The following SYT1 variants were observed in gnomAD, a reference collection of about 807,000 sequenced individuals.
SYT1 encodes the protein synaptotagmin-1.
Under a neutral mutation model 44.8 loss-of-function variants are expected in SYT1, and 8 were observed. The observed-to-expected ratio is 0.18, with a 90% CI of 0.10 to 0.32. The LOEUF is 0.32. Ranked by LOEUF, SYT1 falls within the 10% of genes least tolerant of loss-of-function variation. The probability of loss-of-function intolerance (pLI) is 1.00; values close to 1 mark genes in which losing one functional copy is unlikely to be tolerated. For missense variants in SYT1, 286 were observed against 509.3 expected, an observed-to-expected ratio of 0.56 and a Z score of 4.22; for synonymous variants, 154 against 188.8, an observed-to-expected ratio of 0.82 and a Z score of 1.51.
intron 2 of SYT1, among the ~76,000 whole-genome samples, chr12:78,992,371 C>T (rs1870077819): frequency 1.3e-5 from 2 of 152,086 alleles, no homozygotes; most frequent in African/African-American, 4.8e-5. Context: ...TAGCATGAGG[C>T]TATATTAAGA....
chr12:79,126,910 G>T (rs1416494098), intron 3 of SYT1, among the ~76,000 whole-genome samples: 1 of 152,166 alleles, frequency 6.6e-6, no homozygotes, highest in Admixed American at 6.5e-5. Context: ...CTTTCAACTT[G>T]AGAATTAACA....
chr12:79,188,887 A>G (rs1003303657), intron 3 of SYT1, among the ~76,000 whole-genome samples: 3 of 152,138 alleles, frequency 2.0e-5, no homozygotes, highest in Admixed American at 1.3e-4. Flanking sequence ...TTGAAAATGC[A>G]TAGAAGAATA....
At chr12:79,180,687 A>T (rs1009769875) in intron 3 of SYT1, among the ~76,000 whole-genome samples, 5 of 151,924 alleles carry the variant, frequency 3.3e-5, no homozygotes, top group African/African-American at 7.2e-5. Context: ...AAATGAGCAG[A>T]TCTCAAGAAA....
intron 3 of SYT1, among the ~76,000 whole-genome samples, chr12:79,053,577 C>G (rs1185778889): frequency 6.7e-6 from 1 of 148,494 alleles, no homozygotes; most frequent in Non-Finnish European, 1.5e-5. Context: ...TGCATATTAA[C>G]TTTAATTAAA....
At chr12:79,088,302 AC>A (rs1478970220) in intron 3 of SYT1, among the ~76,000 whole-genome samples, 2 of 151,972 alleles carry the variant, frequency 1.3e-5, no homozygotes, top group African/African-American at 4.8e-5. Flanking sequence ...AATCTTCCTT[AC>A]CCCCTTCGGA....
chr12:79,449,155 A>G lies in SYT1; in HGVS notation c.*31A>G, dbSNP rs372654861. ...AGAAGAAGCCTTTCTGCATTTGCCC[A>G]TATAGTGCTCTTTAGCCAGTATCTG... is the stretch of plus-strand genomic sequence containing the variant. On this transcript the variant is annotated 3_prime_UTR_variant, in exon 11 of 11. Coordinates refer to ENST00000261205, the MANE Select transcript of SYT1 (RefSeq NM_005639.3). The G allele has an allele frequency of 3.2e-6, 5 of 1,569,138 alleles. No individual in the cohort carries two copies. The highest frequency in any genetic ancestry group is 4.3e-6 in the Non-Finnish European group (5 of 1,156,166).
intron 2 of SYT1, among the ~76,000 whole-genome samples, chr12:79,029,857 ATGTAT>A (rs1481444036): frequency 2.6e-5 from 4 of 151,152 alleles, no homozygotes; most frequent in African/African-American, 9.7e-5. Flanking sequence ...TGCTAGCCAC[ATGTAT>A]TATATAAATT....
At chr12:79,250,405 C>A (rs936684556) in intron 4 of SYT1, among the ~76,000 whole-genome samples, 5 of 152,198 alleles carry the variant, frequency 3.3e-5, no homozygotes, top group Non-Finnish European at 7.3e-5. Flanking sequence ...CTGGAACACT[C>A]ACGTTGAATC....
chr12:79,178,937 G>GATATAGATATAGATATATCT (rs1872087036), intron 3 of SYT1, among the ~76,000 whole-genome samples: 1 of 39,160 alleles, frequency 2.6e-5, no homozygotes, highest in Non-Finnish European at 4.0e-5. Context: ...TATCTATATA[G>GATATAGATATAGATATATCT]ATATAGATAT....
rs1015929422 is a variant in SYT1, at chr12:78,974,438, A to G, written c.-216-3361A>G. ...TATTATTATTATTTTATTTTTATTT[A>G]TTTATCTATTTATTTTGTGATGGAG... On this transcript the variant is annotated intron_variant, in intron 1 of 10. Transcript: ENST00000261205. Among the ~76,000 whole-genome samples, 6 of 151,856 alleles carry G rather than the reference A, an allele frequency of 4.0e-5. No individual in the cohort carries two copies. The East Asian group carries it at 1.2e-3, about 29-fold the overall frequency.
At chr12:79,030,191 T>C (rs769005540) in intron 2 of SYT1, among the ~76,000 whole-genome samples, 3 of 151,146 alleles carry the variant, frequency 2.0e-5, no homozygotes, top group Non-Finnish European at 3.0e-5. Flanking sequence ...CAAATTCTTG[T>C]GCTATATTAA....
Position 79,002,625 on chromosome 12 carries a change from C to T in SYT1, c.-84+24694C>T, listed in dbSNP as rs569509343. 2.0e-5 allele frequency among the ~76,000 whole-genome samples: 3 copies of T among 152,126 alleles called. No homozygotes were observed. In the Middle Eastern group the frequency reaches 0.01, roughly 517 times the overall value. On this transcript the variant is annotated intron_variant, in intron 2 of 10. Coordinates refer to ENST00000261205, the MANE Select transcript of SYT1 (RefSeq NM_005639.3). The stretch of plus-strand genomic sequence containing the variant: ...GCTGTTTTTATTTAAATTCCCTGAA[C>T]TCTTGCCCTGAGCTTATTTCATTTA...
At chr12:78,876,881 TTATATATAA>T (rs1874184109) in intron 1 of SYT1, among the ~76,000 whole-genome samples, 2 of 34,242 alleles carry the variant, frequency 5.8e-5, no homozygotes, top group East Asian at 8.4e-4. Flanking sequence ...ATTATATGTA[TTATATATAA>T]TATATATTAT....
At chr12:79,322,272 C>G (rs1317208331) in intron 8 of SYT1, among the ~76,000 whole-genome samples, 1 of 152,088 alleles carries the variant, frequency 6.6e-6, no homozygotes, top group Non-Finnish European at 1.5e-5. Flanking sequence ...CAAACGTATT[C>G]TGAGACTGTG....
intron 2 of SYT1, among the ~76,000 whole-genome samples, chr12:79,013,559 A>G (rs1386322528): frequency 6.6e-6 from 1 of 152,096 alleles, no homozygotes; most frequent in Non-Finnish European, 1.5e-5. Context: ...TCATCTCCCC[A>G]TCTTCTCTGC....
In SYT1 at chr12:79,292,399, G is replaced by A. The variant is rs142285185; in HGVS notation, c.474+269G>A. On this transcript the variant is annotated intron_variant, in intron 6 of 10. Transcript: ENST00000261205. The stretch of plus-strand genomic sequence containing the variant: ...GAATACAAATTAACTTGAAGCAGTC[G>A]GTCTGCTTCTGAGAGCTTCTAGCCA... Among the ~76,000 whole-genome samples, 442 of 152,230 alleles carry A rather than the reference G, an allele frequency of 2.9e-3. 2 individuals are homozygous for A. Among genetic ancestry groups the A allele is most frequent in the African/African-American group, 9.9e-3 (410 of 41,516 alleles).
intron 1 of SYT1, among the ~76,000 whole-genome samples, chr12:78,927,942 C>T (rs1877396724): frequency 6.6e-6 from 1 of 152,160 alleles, no homozygotes; most frequent in African/African-American, 2.4e-5. Flanking sequence ...ATGGATACCT[C>T]CACACTGTGT....
chr12:79,135,434 C>T (rs1475774629), intron 3 of SYT1, among the ~76,000 whole-genome samples: 1 of 152,030 alleles, frequency 6.6e-6, no homozygotes, highest in Admixed American at 6.6e-5. Flanking sequence ...CTAGTCAATG[C>T]ATTTATAAAA....
intron 8 of SYT1, among the ~76,000 whole-genome samples, chr12:79,313,986 G>T (rs913191955): frequency 6.7e-6 from 1 of 149,152 alleles, no homozygotes; most frequent in South Asian, 2.1e-4. Flanking sequence ...TGGTTAACAC[G>T]GTGAAACCCC....
Sources: allele counts gnomAD v4.1 joint callset (sites outside exome capture counted in the v4.1 genomes callset), GRCh38; gene constraint gnomAD v4.1.1; transcripts MANE v1.5; gene names NCBI Gene and HGNC (gene_info 2026-07-23, HGNC 2026-07-21).